SLC5A9: variants seen among roughly 807,000 people sequenced by gnomAD.
The protein encoded by SLC5A9 is sodium/glucose cotransporter 4.
Under a neutral mutation model 70.9 loss-of-function variants are expected in SLC5A9, and 59 were observed. The observed-to-expected ratio is 0.83, with a 90% CI of 0.68 to 1.03. The LOEUF (loss-of-function observed/expected upper bound fraction) is 1.03. SLC5A9 is among the 50% of genes least tolerant of loss of function. The pLI, the probability that SLC5A9 is intolerant of heterozygous loss-of-function variation, is 0.00. For synonymous variants in SLC5A9, 340 were observed against 346.5 expected (o/e 0.98, Z 0.21); for missense variants, 832 against 881.1 (o/e 0.94, Z 0.71).
intron 13 of SLC5A9, 124 bp downstream of exon 13, chr1:48,242,740 C>G (rs1466014846): frequency 1.1e-6 from 1 of 926,712 alleles, no homozygotes; most frequent in Non-Finnish European, 1.5e-6. Flanking sequence ...AACTCCTTTC[C>G]CACGTGGCTA....
intron 10 of SLC5A9, among the ~76,000 whole-genome samples, chr1:48,236,634 T>C (rs111991641): frequency 9.8e-5 from 15 of 152,352 alleles, no homozygotes; most frequent in African/African-American, 3.6e-4. Context: ...CTAACTTGGA[T>C]TTCTGGACTA....
rs2148576780 is a variant in SLC5A9 at position 48,233,761 on chromosome 1, T to C, written c.1140T>C (p.Val380=). The C allele has an allele frequency of 1.9e-6, 3 of 1,610,346 alleles. No homozygotes were observed. The East Asian group carries it at 6.7e-5, about 36-fold the overall frequency. The change falls in exon 9 of 14, where the codon GTT becomes GTC. Residue 380 remains valine (V), a splice_region_variant and synonymous_variant. Transcript: ENST00000438567. ...YPKLVMALMP[V]GLRGLMIAVI... ...AGTTGGTCATGGCCCTCATGCCTGT[T>C]GGTGAGTCTCTTCTCCCCACCCCAC... is the stretch of plus-strand genomic sequence containing the variant.
At position 48,229,334 on chromosome 1, in the gene SLC5A9, C is replaced by G. The variant is rs139280979; in HGVS notation, c.379C>G (p.Pro127Ala). ...LLLALGWVFV[P>A]VYIAAGVVTM... is the part of the protein sequence containing the mutation. ...CCTGGCCCTTGGCTGGGTCTTCGTCCCTGTGTACATCGCAGCAGGTGTGGT... is the reference window on the plus strand; with the variant it reads ...CCTGGCCCTTGGCTGGGTCTTCGTCGCTGTGTACATCGCAGCAGGTGTGGT... The change falls in exon 4 of 14, where the codon CCT becomes GCT. Residue 127 changes from proline (P) to alanine (A), a missense_variant. Physicochemically the swap from Pro to Ala is conservative, Grantham distance 27. Coordinates refer to ENST00000438567, the MANE Select transcript of SLC5A9 (RefSeq NM_001011547.3). 9.3e-6 allele frequency: 15 copies of G among 1,613,924 alleles called. No individual in the cohort carries two copies. In the African/African-American group the frequency reaches 1.9e-4, roughly 20 times the overall value.
chr1:48,233,781 C>A lies in SLC5A9; in HGVS notation c.1141+19C>A, dbSNP rs746884409. On this transcript the variant is annotated intron_variant, in intron 9 of 13. Transcript: ENST00000438567. ...CCTGTTGGTGAGTCTCTTCTCCCCA[C>A]CCCACCCTGCACTCTCACCTCCAGC... 1.3e-6 allele frequency: 2 copies of A among 1,542,552 alleles called. No homozygotes were observed. Among genetic ancestry groups the A allele is most frequent in the East Asian group, 2.3e-5 (1 of 44,200 alleles).
chr1:48,239,047 C>CTGAG lies in SLC5A9; in HGVS notation c.1462-273_1462-270dup, dbSNP rs1553131092. On this transcript the variant is annotated intron_variant, in intron 11 of 13. Coordinates refer to ENST00000438567, the MANE Select transcript of SLC5A9 (RefSeq NM_001011547.3). The surrounding 1 kb of genome is among the most constrained non-coding windows in gnomAD (Gnocchi z 4.2). The stretch of plus-strand genomic sequence containing the variant: ...AATTACTGCCCCCAATAAGAAAACT[C>CTGAG]TGAGTCAGCACGGCCGAGTCATTGG... Among the ~76,000 whole-genome samples the CTGAG allele has an allele frequency of 6.6e-6, 1 of 152,194 alleles. No homozygotes were observed. The highest frequency in any genetic ancestry group is 1.5e-5 in the Non-Finnish European group (1 of 68,038).
rs370467280 is a variant in SLC5A9 at position 48,235,886 on chromosome 1, C to T, written c.1292+7C>T. Reference sequence around the variant, plus strand: ...AGCTGATGGTGGTGGGCAGGTGCGCCGGCCCCTCCTTCCCTCCTTCCGAAG... The same window carrying T: ...AGCTGATGGTGGTGGGCAGGTGCGCTGGCCCCTCCTTCCCTCCTTCCGAAG... On this transcript the variant is annotated splice_region_variant and intron_variant, in intron 10 of 13. Coordinates refer to ENST00000438567, the MANE Select transcript of SLC5A9 (RefSeq NM_001011547.3). 1.6e-5 allele frequency: 26 copies of T among 1,613,938 alleles called. No individual in the cohort carries two copies. Among genetic ancestry groups the T allele is most frequent in the African/African-American group, 1.3e-4 (10 of 74,896 alleles).
At position 48,232,376 on chromosome 1, in the gene SLC5A9, C is replaced by G; in HGVS notation, c.907C>G (p.Gln303Glu). 6.2e-7 allele frequency: 1 copy of G among 1,614,110 alleles called. No individual in the cohort carries two copies. Among genetic ancestry groups the G allele is most frequent in the Non-Finnish European group, 8.5e-7 (1 of 1,180,002 alleles). ...TTTGCTGCCCTTTCAGGTCATTGTGCAGCGGTCTCTCTCGGCCAAGAGTCT... is the reference window on the plus strand; with the variant it reads ...TTTGCTGCCCTTTCAGGTCATTGTGGAGCGGTCTCTCTCGGCCAAGAGTCT... The part of the protein sequence containing the change: ...WCWCTDQVIV[Q>E]RSLSAKSLSH... Residue 303 changes from glutamine to glutamate, a missense_variant, in exon 8 of 14, where the codon CAG becomes GAG. Coordinates refer to ENST00000438567, the MANE Select transcript of SLC5A9 (RefSeq NM_001011547.3).
At position 48,227,036 on chromosome 1, in the gene SLC5A9, T is replaced by TTG. The variant is rs752452842; in HGVS notation, c.235-1803_235-1802dup. ...GCACTGTGTGTGTGCATGAGTGTGCTTGTGTGTGTGTGCTTTGCGAATGTA... is the reference window on the plus strand; with the variant it reads ...GCACTGTGTGTGTGCATGAGTGTGCTTGTGTGTGTGTGTGCTTTGCGAATGTA... On this transcript the variant is annotated intron_variant, in intron 2 of 13. Coordinates refer to ENST00000438567, the MANE Select transcript of SLC5A9 (RefSeq NM_001011547.3). Among the ~76,000 whole-genome samples, 3 of 151,326 alleles carry TTG rather than the reference T, an allele frequency of 2.0e-5. No homozygotes were observed. The South Asian group carries it at 6.3e-4, about 32-fold the overall frequency.
chr1:48,235,640 A>C (rs1368992479), intron 9 of SLC5A9, 89 bp from the exon 10 acceptor site: 2 of 1,505,544 alleles, frequency 1.3e-6, no homozygotes, highest in Non-Finnish European at 1.8e-6. Flanking sequence ...CCAGCTCCTG[A>C]CTCTACAGAA....
At chr1:48,245,077 T>TTTTATATATA (rs1553132276) in intron 13 of SLC5A9, among the ~76,000 whole-genome samples, 1 of 140,446 alleles carries the variant, frequency 7.1e-6, no homozygotes, top group South Asian at 2.3e-4. Context: ...CCTGAGACTT[T>TTTTATATATA]TATATATATA....
intron 13 of SLC5A9, among the ~76,000 whole-genome samples, chr1:48,246,693 C>T (rs759280104): frequency 5.3e-5 from 8 of 152,186 alleles, no homozygotes; most frequent in Non-Finnish European, 1.0e-4. Flanking sequence ...GAACCTCTCC[C>T]ACTGCTCCAG....
At chr1:48,245,414 T>C (rs983687750) in intron 13 of SLC5A9, among the ~76,000 whole-genome samples, 31 of 152,176 alleles carry the variant, frequency 2.0e-4, no homozygotes, top group African/African-American at 7.5e-4. Context: ...GCCTGCTCCC[T>C]GTGGACAACT....
At chr1:48,243,079 A>G (rs1644411022) in intron 13 of SLC5A9, among the ~76,000 whole-genome samples, 1 of 152,184 alleles carries the variant, frequency 6.6e-6, no homozygotes, top group Admixed American at 6.5e-5. Context: ...GTACAAGGGC[A>G]GAAAATCAAA....
At chr1:48,231,845 G>A (rs912359782) in intron 6 of SLC5A9, 101 bp from the exon 7 acceptor site, 1 of 1,570,550 alleles carries the variant, frequency 6.4e-7, no homozygotes, top group Non-Finnish European at 8.6e-7. Flanking sequence ...CAATCCCCAT[G>A]CCAGTTCCAA....
At chr1:48,234,924 C>T (rs943315295) in intron 9 of SLC5A9, among the ~76,000 whole-genome samples, 4 of 152,074 alleles carry the variant, frequency 2.6e-5, no homozygotes, top group African/African-American at 9.7e-5. Context: ...GAGATGGGCA[C>T]CTGAGTTTGG....
In SLC5A9 at chr1:48,229,325, G is replaced by A. The variant is rs141515954; in HGVS notation, c.370G>A (p.Val124Ile). The A allele has an allele frequency of 5.0e-3, 8,062 of 1,614,124 alleles. 59 individuals are homozygous for A. The highest frequency in any genetic ancestry group is 4.9e-3 in the Non-Finnish European group (5,742 of 1,180,040). ...CTGGCTGCTCCTGGCCCTTGGCTGG[G>A]TCTTCGTCCCTGTGTACATCGCAGC... The part of the protein sequence containing the change: ...ATWLLLALGW[V>I]FVPVYIAAGV... The change falls in exon 4 of 14, where the codon GTC (valine) becomes ATC (isoleucine). Residue 124 changes from valine (V) to isoleucine (I), a missense_variant. Transcript: ENST00000438567.
Position 48,229,367 on chromosome 1 carries a change from CCG to C in SLC5A9, c.414_415del (p.Gln139ValfsTer31). On this transcript the variant is annotated frameshift_variant, in exon 4 of 14. Transcript: ENST00000438567. LOFTEE classifies it high-confidence loss of function. ...CATCGCAGCAGGTGTGGTCACAATG[CCG>C]CAGTATCTGAAGAAGCGATTTGGGG... is the stretch of plus-strand genomic sequence containing the variant. ...VYIAAGVVTMPQYLKKRFGGQ... is the reference protein window; with the variant it reads ...VYIAAGVVTMXQYLKKRFGGQ... 1 of 1,614,162 alleles carries C rather than the reference CCG, an allele frequency of 6.2e-7. No homozygotes were observed. Among genetic ancestry groups the C allele is most frequent in the Non-Finnish European group, 8.5e-7 (1 of 1,180,036 alleles).
rs775977844 is a variant in SLC5A9, at chr1:48,229,145, A to G, written c.340-150A>G. ...TGGAGGAGACAGAGGGATCCATCCAAGGTCACACGGGAGGACTGGGGTCAG... is the reference window on the plus strand; with the variant it reads ...TGGAGGAGACAGAGGGATCCATCCAGGGTCACACGGGAGGACTGGGGTCAG... On this transcript the variant is annotated intron_variant, in intron 3 of 13. Transcript: ENST00000438567. 4 of 1,613,904 alleles carry G rather than the reference A, an allele frequency of 2.5e-6. No homozygotes were observed. The South Asian group carries it at 3.3e-5, about 13-fold the overall frequency.
intron 13 of SLC5A9, among the ~76,000 whole-genome samples, chr1:48,244,876 GTGTA>G (rs1553132197): frequency 8.7e-5 from 1 of 11,498 alleles, no homozygotes; most frequent in Non-Finnish European, 1.9e-4. Flanking sequence ...GTATGTGTAT[GTGTA>G]TATATATATA....
Sources: allele counts gnomAD v4.1 joint callset (sites outside exome capture counted in the v4.1 genomes callset), GRCh38; gene constraint gnomAD v4.1.1; non-coding constraint Gnocchi (gnomAD v3.1); transcripts MANE v1.5; gene names NCBI Gene and HGNC (gene_info 2026-07-23, HGNC 2026-07-21).